The following PDE4D variants were observed in gnomAD, a reference collection of about 807,000 sequenced individuals.
PDE4D encodes 3',5'-cyclic-AMP phosphodiesterase 4D.
In PDE4D, 24 loss-of-function variants were observed where a neutral mutation model predicts 87.4. The observed-to-expected ratio is 0.27, with a 90% confidence interval of 0.20 to 0.39. The LOEUF (loss-of-function observed/expected upper bound fraction) is 0.39, where lower values mean the gene tolerates loss of function less well. Among genes scored for constraint, PDE4D ranks in the 10% least tolerant of loss-of-function variants. PDE4D has a pLI of 1.00. For missense variants in PDE4D, 714 were observed against 1,041.0 expected (o/e 0.69, Z 4.32); for synonymous variants, 384 against 383.2 (o/e 1.00, Z -0.02).
At chr5:59,380,848 C>T (rs1785667159) in intron 1 of PDE4D, among the ~76,000 whole-genome samples, 1 of 151,914 alleles carries the variant, frequency 6.6e-6, no homozygotes, top group African/African-American at 2.4e-5. Context: ...TGGAAAACTA[C>T]CACAGAGCAA....
intron 1 of PDE4D, among the ~76,000 whole-genome samples, chr5:59,403,991 C>T (rs1453157018): frequency 6.6e-6 from 1 of 152,162 alleles, no homozygotes; most frequent in Non-Finnish European, 1.5e-5. Context: ...TGGATAAAAG[C>T]CATTTTAACT....
intron 1 of PDE4D, among the ~76,000 whole-genome samples, chr5:59,776,949 C>T (rs765275762): frequency 9.9e-5 from 15 of 152,006 alleles, no homozygotes; most frequent in Non-Finnish European, 1.8e-4. Context: ...AAGAGCTCTC[C>T]GTCTTTTAAT....
chr5:58,974,636 A>T lies in PDE4D; in HGVS notation c.*28T>A. The T allele has an allele frequency of 6.6e-7, 1 of 1,512,962 alleles. No individual in the cohort carries two copies. Among genetic ancestry groups the T allele is most frequent in the Non-Finnish European group, 8.9e-7 (1 of 1,129,736 alleles). The allele number at this position is 1,512,962 out of a possible 1,614,324, so 93.7% of individuals were successfully genotyped here. On this transcript the variant is annotated 3_prime_UTR_variant, in exon 15 of 15. Coordinates refer to ENST00000340635, the MANE Select transcript of PDE4D (RefSeq NM_001104631.2). ...TGGAAACAATTTTTCTACTTAAAAA[A>T]AAAAAAGGCATGAAAGTTTTTGCAC...
At chr5:60,238,729 T>C (rs536458194) in intron 1 of PDE4D, among the ~76,000 whole-genome samples, 2 of 152,174 alleles carry the variant, frequency 1.3e-5, no homozygotes, top group South Asian at 2.1e-4. Flanking sequence ...AAAGATTCCT[T>C]CATACAAAAT....
intron 2 of PDE4D, among the ~76,000 whole-genome samples, chr5:60,048,001 A>T (rs1418278187): frequency 2.0e-5 from 3 of 152,122 alleles, no homozygotes; most frequent in Non-Finnish European, 4.4e-5. Flanking sequence ...TGGGAGTCTA[A>T]GTCTCTTTGT....
chr5:59,732,019 T>C (rs1165417792), intron 1 of PDE4D, among the ~76,000 whole-genome samples: 8 of 152,208 alleles, frequency 5.3e-5, no homozygotes. Flanking sequence ...CTGCAAATGC[T>C]GACAGACTAA....
chr5:59,321,619 A>G (rs1204691395), intron 1 of PDE4D, among the ~76,000 whole-genome samples: 1 of 152,074 alleles, frequency 6.6e-6, no homozygotes, highest in African/African-American at 2.4e-5. Context: ...TGTCTATGAG[A>G]TGGTGTGAAA....
intron 1 of PDE4D, among the ~76,000 whole-genome samples, chr5:59,469,298 A>T (rs765456352): frequency 8.5e-5 from 13 of 152,164 alleles, no homozygotes; most frequent in Non-Finnish European, 1.6e-4. Context: ...ACCGCACTCC[A>T]GCCTGGTTGA....
At chr5:59,102,680 A>C (rs1770962406) in intron 5 of PDE4D, among the ~76,000 whole-genome samples, 1 of 152,164 alleles carries the variant, frequency 6.6e-6, no homozygotes. Context: ...GGGGTTCCCC[A>C]TCCAGCAGTT....
At chr5:60,012,586 T>C (rs1314633748) in intron 2 of PDE4D, among the ~76,000 whole-genome samples, 4 of 141,460 alleles carry the variant, frequency 2.8e-5, no homozygotes, top group African/African-American at 5.0e-5. Flanking sequence ...GGAAGACGAC[T>C]GCTATAACCA....
chr5:59,544,711 G>A (rs1816957138), intron 1 of PDE4D, among the ~76,000 whole-genome samples: 1 of 152,136 alleles, frequency 6.6e-6, no homozygotes, highest in Admixed American at 6.6e-5. Context: ...GGGGAGAAGG[G>A]GAGAAGCGAG....
chr5:59,168,372 C>T (rs761942904), intron 5 of PDE4D, among the ~76,000 whole-genome samples: 2 of 152,148 alleles, frequency 1.3e-5, no homozygotes, highest in Non-Finnish European at 2.9e-5. Context: ...CCGAAACACC[C>T]CATCTGCCTG....
intron 1 of PDE4D, among the ~76,000 whole-genome samples, chr5:59,670,153 A>G (rs889632528): frequency 1.3e-5 from 2 of 152,148 alleles, no homozygotes; most frequent in Non-Finnish European, 2.9e-5. Flanking sequence ...TTTCTCCTCT[A>G]AAATATGGAA....
intron 3 of PDE4D, among the ~76,000 whole-genome samples, chr5:59,915,382 T>C (rs1163057569): frequency 1.3e-5 from 2 of 152,120 alleles, no homozygotes; most frequent in Non-Finnish European, 2.9e-5. Context: ...GATGGTGCAA[T>C]CACAATTAAG....
At chr5:59,205,994 C>T (rs899369267) in intron 2 of PDE4D, among the ~76,000 whole-genome samples, 4 of 152,084 alleles carry the variant, frequency 2.6e-5, no homozygotes, top group Non-Finnish European at 4.4e-5. Context: ...CTCTGAAGTT[C>T]CCTGCGTCTT....
At chr5:59,018,247 G>A (rs1754431057) in intron 6 of PDE4D, among the ~76,000 whole-genome samples, 1 of 152,206 alleles carries the variant, frequency 6.6e-6, no homozygotes, top group South Asian at 2.1e-4. Context: ...GGCTGAGAAT[G>A]CTTTTGGAGA....
intron 2 of PDE4D, among the ~76,000 whole-genome samples, chr5:60,139,549 T>C (rs1461998436): frequency 1.3e-5 from 2 of 152,034 alleles, no homozygotes; most frequent in African/African-American, 4.8e-5. Context: ...ATCAAAGATA[T>C]GTAATGCCAC....
intron 3 of PDE4D, among the ~76,000 whole-genome samples, chr5:59,901,447 A>G (rs1027670446): frequency 6.6e-6 from 1 of 152,208 alleles, no homozygotes; most frequent in Non-Finnish European, 1.5e-5. Context: ...AAAGACTGAT[A>G]AACTATACTA....
At chr5:60,313,452 A>G (rs1297819248) in intron 1 of PDE4D, among the ~76,000 whole-genome samples, 1 of 152,136 alleles carries the variant, frequency 6.6e-6, no homozygotes, top group Non-Finnish European at 1.5e-5. Context: ...ACACCTACCA[A>G]CCAGAAAAAG....
Sources: gnomAD v4.1 joint callset for allele counts (sites outside exome capture counted in the v4.1 genomes callset) on GRCh38, gnomAD v4.1.1 for gene constraint, MANE v1.5 for transcripts, NCBI Gene and HGNC (gene_info 2026-07-23, HGNC 2026-07-21) for gene names.